SMG9: variants seen among roughly 807,000 people sequenced by gnomAD.
SMG9 encodes the protein SMG9 nonsense mediated mRNA decay factor.
Under a neutral mutation model 64.0 loss-of-function variants are expected in SMG9, and 55 were observed. The ratio of observed to expected loss-of-function variants is 0.86; its 90% CI spans 0.69 to 1.08. The LOEUF is 1.08. Among genes scored for constraint, SMG9 ranks in the 50% least tolerant of loss-of-function variants. The probability of loss-of-function intolerance (pLI) is 0.00; values close to 1 mark genes in which losing one functional copy is unlikely to be tolerated. For missense variants in SMG9, 554 were observed against 681.3 expected (o/e 0.81, Z 2.08); for synonymous variants, 244 against 254.8 (o/e 0.96, Z 0.41).
In SMG9 at chr19:43,740,236, C is replaced by T. The variant is rs1386928225; in HGVS notation, c.702-18G>A. The T allele has an allele frequency of 1.3e-6, 2 of 1,573,824 alleles. No individual in the cohort carries two copies. The highest frequency in any genetic ancestry group is 3.3e-5 in the Admixed American group (2 of 59,950). ...CATAAGTCCTGTGGAGAGGAGCAGG[C>T]AGGGGTGTGTGAGAGCTCTGGTTCT... On this transcript the variant is annotated intron_variant, in intron 6 of 13. Coordinates refer to ENST00000270066, the MANE Select transcript of SMG9 (RefSeq NM_019108.4).
In SMG9 at chr19:43,728,473, C is replaced by G. The variant is rs1393718556; in HGVS notation, c.*3123G>C. 1.3e-5 allele frequency: 2 copies of G among 152,370 alleles called. No homozygotes were observed. The highest frequency in any genetic ancestry group is 3.9e-4 in the East Asian group (2 of 5,188). The allele number at this position is 152,370 out of a possible 1,614,324, so 9.4% of individuals were successfully genotyped here. The stretch of plus-strand genomic sequence containing the variant: ...TGCAGAACTCTGAGCCAATTAAACC[C>G]CTTTTCTTTATAAATTACCCAGTCT... On this transcript the variant is annotated 3_prime_UTR_variant, in exon 14 of 14. Transcript: ENST00000270066.
At chr19:43,737,449 G>A (rs1968706310) in intron 9 of SMG9, 148 bp downstream of exon 9, 2 of 621,696 alleles carry the variant, frequency 3.2e-6, no homozygotes, top group South Asian at 4.0e-5. Flanking sequence ...GTGCTTTGAG[G>A]GGGAGGTTAG....
intron 2 of SMG9, among the ~76,000 whole-genome samples, chr19:43,749,004 T>G (rs1316070888): frequency 1.3e-5 from 2 of 152,210 alleles, no homozygotes; most frequent in East Asian, 3.8e-4. Context: ...GTTCTGAATT[T>G]GGGATTTTTT....
chr19:43,747,274 G>T (rs1364930685), intron 5 of SMG9, among the ~76,000 whole-genome samples, 168 bp downstream of exon 5: 2 of 152,142 alleles, frequency 1.3e-5, no homozygotes, highest in East Asian at 3.9e-4. Flanking sequence ...AAGCACAGCC[G>T]AGCTAGTTGA....
chr19:43,747,163 C>G (rs939822194), intron 5 of SMG9, among the ~76,000 whole-genome samples: 3 of 152,132 alleles, frequency 2.0e-5, no homozygotes, highest in African/African-American at 7.2e-5. Flanking sequence ...AAAGACTCCC[C>G]TGCTGTGGAT....
rs755467272 is a variant in SMG9 at position 43,747,436 on chromosome 19, C to T, written c.588+6G>A. On this transcript the variant is annotated splice_donor_region_variant and intron_variant, in intron 5 of 13. Transcript: ENST00000270066. ...GAAGCTCAGGCAGGGCAGGACCCCT[C>T]GGTACCTCGATGGCACTGTCACACC... 7 of 1,612,192 alleles carry T rather than the reference C, an allele frequency of 4.3e-6. No homozygotes were observed. Among genetic ancestry groups the T allele is most frequent in the African/African-American group, 2.7e-5 (2 of 74,914 alleles).
rs1968584614 is a variant in SMG9, at chr19:43,734,370, T to C, written c.1102+19A>G. ...TTTTTCCTCCTGCCCACCCCTCCAGTCCCCAGAAAGCCTCTCACCTAGGTG... is the reference window on the plus strand; with the variant it reads ...TTTTTCCTCCTGCCCACCCCTCCAGCCCCCAGAAAGCCTCTCACCTAGGTG... On this transcript the variant is annotated intron_variant, in intron 10 of 13. Coordinates refer to ENST00000270066, the MANE Select transcript of SMG9 (RefSeq NM_019108.4). The C allele has an allele frequency of 1.3e-6, 2 of 1,542,260 alleles. No individual in the cohort carries two copies. The highest frequency in any genetic ancestry group is 1.8e-6 in the Non-Finnish European group (2 of 1,138,956).
Position 43,731,264 on chromosome 19 carries a change from C to T in SMG9, c.*332G>A. 1.8e-6 allele frequency: 2 copies of T among 1,123,656 alleles called. No homozygotes were observed. Among genetic ancestry groups the T allele is most frequent in the East Asian group, 5.7e-5 (1 of 17,480 alleles). 69.6% of individuals were successfully genotyped at this position (1,123,656 alleles called of 1,614,324 possible). A position where few individuals can be genotyped will look rare whatever the true frequency, so the allele number is the denominator to read the frequency against. On this transcript the variant is annotated 3_prime_UTR_variant, in exon 14 of 14. Transcript: ENST00000270066. ...AGAGTCAGGGAAGAGGGGCCTGTTG[C>T]TCCTGTCCCTGAAAAAGGAGGTCAA...
At chr19:43,738,612 G>GC (rs1343385592) in intron 7 of SMG9, among the ~76,000 whole-genome samples, 1 of 151,944 alleles carries the variant, frequency 6.6e-6, no homozygotes, top group Non-Finnish European at 1.5e-5. Flanking sequence ...TTTAAAAACT[G>GC]CATCAGTATG....
chr19:43,744,928 C>T (rs370591396), intron 5 of SMG9, 44 bp from the exon 6 acceptor site: 17 of 1,501,580 alleles, frequency 1.1e-5, no homozygotes, highest in Non-Finnish European at 1.5e-5. Context: ...CTGTCAGCTG[C>T]TGGAGCTGGA....
intron 5 of SMG9, 44 bp downstream of exon 5, chr19:43,747,398 T>C: frequency 6.3e-7 from 1 of 1,585,188 alleles, no homozygotes; most frequent in Non-Finnish European, 8.6e-7. Context: ...GATCAGAGGA[T>C]GCAGGATGTG....
At chr19:43,750,800 T>C (rs1200976026) in intron 1 of SMG9, 53 bp from the exon 2 acceptor site, 2 of 1,532,084 alleles carry the variant, frequency 1.3e-6, no homozygotes, top group Non-Finnish European at 1.8e-6. Context: ...CCTACTCTAC[T>C]TGGCATATCC....
chr19:43,748,268 G>A (rs540430420), intron 2 of SMG9, among the ~76,000 whole-genome samples: 1 of 152,364 alleles, frequency 6.6e-6, no homozygotes, highest in Non-Finnish European at 1.5e-5. Flanking sequence ...AGCCCAGGCA[G>A]CCTGGCTGCA....
intron 1 of SMG9, among the ~76,000 whole-genome samples, chr19:43,753,117 T>C (rs1272777333): frequency 6.6e-6 from 1 of 151,842 alleles, no homozygotes; most frequent in Non-Finnish European, 1.5e-5. Flanking sequence ...CTAGCTCCTC[T>C]CCTACTGTGC....
Position 43,733,630 on chromosome 19 carries a change from G to C in SMG9, c.1206C>G (p.Tyr402Ter), listed in dbSNP as rs772287653. The change falls in exon 11 of 14, where the codon TAC (tyrosine) becomes TAG (stop). Residue 402 changes from tyrosine (Y) to a stop codon, truncating the protein, a stop_gained. Coordinates refer to ENST00000270066, the MANE Select transcript of SMG9 (RefSeq NM_019108.4). LOFTEE classifies it high-confidence loss of function. ...DQLMAHSHLR[Y>*]KGTLSMLQCN... is the part of the protein sequence containing the mutation. ...GGGTGATGTGGGAACCCTTACCCTT[G>C]TAACGCAGGTGGGAGTGGGCCATGA... 6.2e-7 allele frequency: 1 copy of C among 1,614,038 alleles called. No homozygotes were observed. Among genetic ancestry groups the C allele is most frequent in the East Asian group, 2.2e-5 (1 of 44,878 alleles).
chr19:43,729,382 G>C lies in SMG9; in HGVS notation c.*2214C>G, dbSNP rs1418815252. The C allele has an allele frequency of 6.6e-6, 1 of 152,208 alleles. No homozygotes were observed. Among genetic ancestry groups the C allele is most frequent in the Non-Finnish European group, 1.5e-5 (1 of 68,082 alleles). The allele number at this position is 152,208 out of a possible 1,614,324, so 9.4% of individuals were successfully genotyped here. A position where few individuals can be genotyped will look rare whatever the true frequency, so the allele number is the denominator to read the frequency against. On this transcript the variant is annotated 3_prime_UTR_variant, in exon 14 of 14. Coordinates refer to ENST00000270066, the MANE Select transcript of SMG9 (RefSeq NM_019108.4). ...AGTGTGCTGATTCAGACCTTCCTTG[G>C]CAACACTGACCACAAGATCACAGGT...
chr19:43,753,458 CTTTTTTTTTTT>C (rs745479932), intron 1 of SMG9, among the ~76,000 whole-genome samples: 251 of 118,604 alleles, frequency 2.1e-3, no homozygotes, highest in Middle Eastern at 4.7e-3. Context: ...GAATGCTTTT[CTTTTTTTTTTT>C]TTTTTTTTTT....
Position 43,744,794 on chromosome 19 carries a change from T to C in SMG9, c.679A>G (p.Asn227Asp), listed in dbSNP as rs768676961. ...KSMVMSLLSA[N>D]TPEEDQRTYV... is the part of the protein sequence containing the mutation. ...CACCTCTGGTCCTCCTCTGGAGTGT[T>C]GGCTGACAACAATGACATGACCATG... Residue 227 changes from asparagine (N) to aspartate (D), a missense_variant, in exon 6 of 14, where the codon AAC (asparagine) becomes GAC (aspartate). Transcript: ENST00000270066. 1.2e-6 allele frequency: 2 copies of C among 1,613,808 alleles called. No homozygotes were observed. The highest frequency in any genetic ancestry group is 1.7e-6 in the Non-Finnish European group (2 of 1,179,834).
rs753738460 is a variant in SMG9 at position 43,734,456 on chromosome 19, T to C, written c.1035A>G (p.Pro345=). 128 of 1,562,558 alleles carry C rather than the reference T, an allele frequency of 8.2e-5. No individual in the cohort carries two copies. Among genetic ancestry groups the C allele is most frequent in the Non-Finnish European group, 1.1e-4 (126 of 1,152,982 alleles). ...AGCTGCTGGACTCGTGGCTGGGGGATGGGGTGGAGGGCTTCACCATCTCTG... is the reference window on the plus strand; with the variant it reads ...AGCTGCTGGACTCGTGGCTGGGGGACGGGGTGGAGGGCTTCACCATCTCTG... ...QTAEMVKPST[P]SPSHESSSSS... Residue 345 remains proline (P), a synonymous_variant, in exon 10 of 14, where the codon CCA becomes CCG. Transcript: ENST00000270066.
Sources: allele counts gnomAD v4.1 joint callset (sites outside exome capture counted in the v4.1 genomes callset), GRCh38; gene constraint gnomAD v4.1.1; transcripts MANE v1.5; gene names NCBI Gene and HGNC (gene_info 2026-07-23, HGNC 2026-07-21).